Variants in EPM2A observed in about 807,000 individuals in gnomAD.
EPM2A encodes the protein EPM2A glucan phosphatase, laforin.
Under a neutral mutation model 26.5 loss-of-function variants are expected in EPM2A, and 21 were observed. The ratio of observed to expected loss-of-function variants is 0.79; its 90% confidence interval spans 0.56 to 1.14. The LOEUF (loss-of-function observed/expected upper bound fraction) is 1.14, where lower values mean the gene tolerates loss of function less well. Ranked by LOEUF, EPM2A falls within the 50% of genes most tolerant of loss-of-function variation. The pLI, the probability that EPM2A is intolerant of heterozygous loss-of-function variation, is 0.00. For synonymous variants in EPM2A, 217 were observed against 177.6 expected (o/e 1.22, Z -1.76); for missense variants, 458 against 440.8 (o/e 1.04, Z -0.35).
intron 4 of EPM2A, among the ~76,000 whole-genome samples, chr6:145,466,300 AAAAC>A (rs1352757042): frequency 2.0e-5 from 3 of 152,040 alleles, no homozygotes; most frequent in African/African-American, 7.2e-5. Context: ...TTACAAGAAA[AAAAC>A]AAACAACCCC....
At chr6:145,443,309 A>G (rs998413897) in intron 4 of EPM2A, among the ~76,000 whole-genome samples, 9 of 152,200 alleles carry the variant, frequency 5.9e-5, no homozygotes, top group Admixed American at 3.9e-4. Context: ...GAATCCAGAA[A>G]TTGCTTTGGG....
At chr6:145,586,055 C>G (rs1327281537) in intron 2 of EPM2A, among the ~76,000 whole-genome samples, 4 of 152,148 alleles carry the variant, frequency 2.6e-5, no homozygotes, top group African/African-American at 9.7e-5. Flanking sequence ...TTTGGTCAAC[C>G]TGGGCCCTCA....
At chr6:145,705,624 C>A in intron 1 of EPM2A, 1 of 451,718 alleles carries the variant, frequency 2.2e-6, no homozygotes, top group Non-Finnish European at 4.5e-6. Context: ...TATAGATTGG[C>A]TAGGGGCTCT....
At chr6:145,710,279 A>G (rs954713106) in intron 1 of EPM2A, among the ~76,000 whole-genome samples, 21 of 152,150 alleles carry the variant, frequency 1.4e-4, no homozygotes, top group Admixed American at 6.5e-5. Context: ...AAGAAAAAAA[A>G]CAAACAACCC....
chr6:145,571,553 G>A (rs550292870), intron 2 of EPM2A, among the ~76,000 whole-genome samples: 3 of 152,164 alleles, frequency 2.0e-5, no homozygotes, highest in African/African-American at 7.2e-5. Context: ...TTTCAGTGAG[G>A]ACAAACCTCT....
In EPM2A at chr6:145,571,742, G is replaced by T. The variant is rs546515106; in HGVS notation, c.340+63503C>A. Among the ~76,000 whole-genome samples, 3 of 152,332 alleles carry T rather than the reference G, an allele frequency of 2.0e-5. No individual in the cohort carries two copies. In the South Asian group the frequency reaches 6.2e-4, roughly 32 times the overall value. ...GGTGAGTGGAAGTCCACGTTGCTGA[G>T]ACTATGCATTACCTCCATCCATGCC... On this transcript the variant is annotated intron_variant, in intron 2 of 3. Transcript: ENST00000450221.
intron 2 of EPM2A, among the ~76,000 whole-genome samples, chr6:145,592,551 G>GT (rs1390284655): frequency 2.0e-5 from 3 of 152,048 alleles, no homozygotes; most frequent in Admixed American, 2.0e-4. Context: ...GCGTCAAATG[G>GT]TATTTCTAGT....
At chr6:145,726,244 C>A (rs981601579) in intron 1 of EPM2A, among the ~76,000 whole-genome samples, 1 of 151,940 alleles carries the variant, frequency 6.6e-6, no homozygotes, top group African/African-American at 2.4e-5. Context: ...CTGAAATAAA[C>A]TGAACAAGAA....
chr6:145,550,143 CA>C (rs1469562493), intron 2 of EPM2A, among the ~76,000 whole-genome samples: 1 of 152,060 alleles, frequency 6.6e-6, no homozygotes, highest in Non-Finnish European at 1.5e-5. Flanking sequence ...TTGGGAACAG[CA>C]AATGCAGGGA....
At chr6:145,577,133 G>A (rs907986332) in intron 2 of EPM2A, among the ~76,000 whole-genome samples, 2 of 151,728 alleles carry the variant, frequency 1.3e-5, no homozygotes, top group African/African-American at 2.4e-5. Context: ...GACTAACAAA[G>A]CACTCAGAAA....
At chr6:145,439,624 G>T (rs1170373275) in intron 4 of EPM2A, among the ~76,000 whole-genome samples, 1 of 152,072 alleles carries the variant, frequency 6.6e-6, no homozygotes, top group African/African-American at 2.4e-5. Flanking sequence ...ACTTTGAAAA[G>T]TGTCTGTTCA....
intron 2 of EPM2A, among the ~76,000 whole-genome samples, chr6:145,573,920 G>A (rs1048299026): frequency 6.6e-5 from 10 of 152,152 alleles, no homozygotes; most frequent in African/African-American, 2.4e-4. Context: ...GGATCCCCTG[G>A]AATCAATGTC....
intron 2 of EPM2A, among the ~76,000 whole-genome samples, chr6:145,569,469 T>C (rs1233789068): frequency 1.3e-5 from 2 of 152,200 alleles, no homozygotes; most frequent in African/African-American, 4.8e-5. Flanking sequence ...GGCAAATGCA[T>C]CATAGGCAAG....
chr6:145,710,685 G>C (rs553377271), intron 1 of EPM2A, among the ~76,000 whole-genome samples: 1 of 151,934 alleles, frequency 6.6e-6, no homozygotes, highest in Non-Finnish European at 1.5e-5. Context: ...TGTTTATTGC[G>C]GCATTATTCA....
Position 145,626,495 on chromosome 6 carries a change from G to A in EPM2A, c.*921C>T. On this transcript the variant is annotated 3_prime_UTR_variant, in exon 4 of 4. Coordinates refer to ENST00000367519, the MANE Select transcript of EPM2A (RefSeq NM_005670.4). ...TAATTTCCTAGATTCTTTGGCAACT[G>A]ATCAGAATACTATTCTATGTCTCGC... 4 of 985,856 alleles carry A rather than the reference G, an allele frequency of 4.1e-6. No homozygotes were observed. The highest frequency in any genetic ancestry group is 4.8e-6 in the Non-Finnish European group (4 of 829,930). The allele number at this position is 985,856 out of a possible 1,614,324, so 61.1% of individuals were successfully genotyped here.
intron 4 of EPM2A, among the ~76,000 whole-genome samples, chr6:145,479,241 A>C (rs552647037): frequency 6.8e-6 from 1 of 147,870 alleles, no homozygotes; most frequent in Non-Finnish European, 1.5e-5. Flanking sequence ...TATATATATA[A>C]AATAAAATTA....
rs920825173 is a variant in EPM2A at position 145,521,369 on chromosome 6, A to G, written c.341-18794T>C. ...TAGCCATCTAGTATAATAAAAGATA[A>G]AGAAATCTTGCCTGATTACCAGGCG... On this transcript the variant is annotated intron_variant, in intron 2 of 3. Transcript: ENST00000450221. 3.2e-4 allele frequency among the ~76,000 whole-genome samples: 48 copies of G among 152,346 alleles called. No individual in the cohort carries two copies. The Middle Eastern group carries it at 0.01, about 32-fold the overall frequency.
In EPM2A at chr6:145,490,453, T is replaced by A; in HGVS notation, c.555+12069A>T. On this transcript the variant is annotated intron_variant, in intron 4 of 4. Coordinates refer to the EPM2A transcript ENST00000638717. ...ATGACAATTTGGACATTCAAAAGGT[T>A]TTTCACCTGTATGTTTTCTAAGATG... 1.2e-5 allele frequency: 9 copies of A among 731,482 alleles called. No individual in the cohort carries two copies. The South Asian group carries it at 1.3e-4, about 11-fold the overall frequency. The allele number at this position is 731,482 out of a possible 1,614,324, so 45.3% of individuals were successfully genotyped here.
rs1334992984 is a variant in EPM2A at position 145,626,960 on chromosome 6, C to T, written c.*456G>A. 9.6e-7 allele frequency: 1 copy of T among 1,042,366 alleles called. No individual in the cohort carries two copies. Among genetic ancestry groups the T allele is most frequent in the Admixed American group, 5.0e-5 (1 of 19,946 alleles). 64.6% of individuals were successfully genotyped at this position (1,042,366 alleles called of 1,614,324 possible). Reference sequence around the variant, plus strand: ...TTTTGTAACGGTTCAGGCTTCTAACCTTATTTCCTCCTTTGGCAACTGACC... The same window carrying T: ...TTTTGTAACGGTTCAGGCTTCTAACTTTATTTCCTCCTTTGGCAACTGACC... On this transcript the variant is annotated 3_prime_UTR_variant, in exon 4 of 4. Transcript: ENST00000367519.
Sources: allele counts gnomAD v4.1 joint callset (sites outside exome capture counted in the v4.1 genomes callset), GRCh38; gene constraint gnomAD v4.1.1; transcripts MANE v1.5; gene names NCBI Gene and HGNC (gene_info 2026-07-23, HGNC 2026-07-21).